ABCG1: variants seen among roughly 807,000 people sequenced by gnomAD.
ABCG1 encodes ATP binding cassette subfamily G member 1.
ABCG1 carries 29 observed loss-of-function variants against 69.2 expected under a neutral mutation model. The observed-to-expected ratio is 0.42, with a 90% confidence interval of 0.31 to 0.57. ABCG1 has a LOEUF of 0.57. Among genes scored for constraint, ABCG1 ranks in the 20% least tolerant of loss-of-function variants. The pLI, the probability that ABCG1 is intolerant of heterozygous loss-of-function variation, is 0.15. For synonymous variants in ABCG1, 370 were observed against 374.8 expected (o/e 0.99, Z 0.15); for missense variants, 718 against 898.1 (o/e 0.80, Z 2.56).
intron 5 of ABCG1, among the ~76,000 whole-genome samples, chr21:42,277,232 G>T (rs2068727334): frequency 6.6e-6 from 1 of 152,144 alleles, no homozygotes; most frequent in Non-Finnish European, 1.5e-5. Flanking sequence ...GCCAGAAGAT[G>T]CCAGCTTCAG....
rs950653649 is a variant in ABCG1 at position 42,288,651 on chromosome 21, T to A, written c.1224+339T>A. Among the ~76,000 whole-genome samples, 1 of 151,394 alleles carries A rather than the reference T, an allele frequency of 6.6e-6. No individual in the cohort carries two copies. Among genetic ancestry groups the A allele is most frequent in the Non-Finnish European group, 1.5e-5 (1 of 67,918 alleles). ...GAACCCAGGGGGGCGGAGATTGCAG[T>A]GAGCCGAGATTGCACCACTGCACTC... On this transcript the variant is annotated intron_variant, in intron 10 of 14. Transcript: ENST00000398449. This position sits in a 1 kb window ranked among gnomAD's most constrained non-coding sequence, Gnocchi z 4.8.
In ABCG1 at chr21:42,284,551, G is replaced by T. The variant is rs1297722621; in HGVS notation, c.735-9G>T. On this transcript the variant is annotated splice_polypyrimidine_tract_variant and intron_variant, in intron 6 of 14. Coordinates refer to ENST00000398449, the MANE Select transcript of ABCG1 (RefSeq NM_016818.3). ...CCGCAGGCGTCTCACGGTGCCTCTT[G>T]ACTTGCAGCGGCCTGGACAGCGCCT... 2.5e-6 allele frequency: 4 copies of T among 1,612,308 alleles called. No individual in the cohort carries two copies.
chr21:42,276,743 T>C lies in ABCG1; in HGVS notation c.538-152T>C. 1.4e-6 allele frequency: 1 copy of C among 731,160 alleles called. No individual in the cohort carries two copies. The highest frequency in any genetic ancestry group is 2.1e-5 in the Admixed American group (1 of 46,862). 45.3% of individuals were successfully genotyped at this position (731,160 alleles called of 1,614,324 possible). A position where few individuals can be genotyped will look rare whatever the true frequency, so the allele number is the denominator to read the frequency against. Reference sequence around the variant, plus strand: ...GCACCGTGGCTAGCGGCATTGTGGCTAGCTGCACTGTGGGTAGCTGCACCG... The same window carrying C: ...GCACCGTGGCTAGCGGCATTGTGGCCAGCTGCACTGTGGGTAGCTGCACCG... On this transcript the variant is annotated intron_variant, in intron 4 of 14. Coordinates refer to ENST00000398449, the MANE Select transcript of ABCG1 (RefSeq NM_016818.3). The surrounding 1 kb of genome is among the most constrained non-coding windows in gnomAD (Gnocchi z 5.3).
rs375137772 is a variant in ABCG1, at chr21:42,219,315, G to C, written c.42+11G>C. ...GTCGGCACCGCCATGGTGAGTGAGCGCATCCTTCGTCCGCCGGGAACGGTT... is the reference window on the plus strand; with the variant it reads ...GTCGGCACCGCCATGGTGAGTGAGCCCATCCTTCGTCCGCCGGGAACGGTT... On this transcript the variant is annotated intron_variant, in intron 1 of 14. Transcript: ENST00000398449. This position sits in a 1 kb window ranked among gnomAD's most constrained non-coding sequence, Gnocchi z 5.3. 30 of 1,596,590 alleles carry C rather than the reference G, an allele frequency of 1.9e-5. No individual in the cohort carries two copies. The highest frequency in any genetic ancestry group is 2.6e-5 in the Non-Finnish European group (30 of 1,174,718).
Position 42,206,808 on chromosome 21 carries a change from G to A in ABCG1, c.48+5085G>A, listed in dbSNP as rs1193040983. ...TCATTTCATCATTATTTTAGGTTAT[G>A]TCTATGAGTGACACATTTTCTTAGT... On this transcript the variant is annotated intron_variant, in intron 2 of 15. Transcript: ENST00000398457. 2.7e-5 allele frequency: 4 copies of A among 147,838 alleles called. No individual in the cohort carries two copies. The East Asian group carries it at 7.8e-4, about 29-fold the overall frequency. The allele number at this position is 147,838 out of a possible 1,614,324, so 9.2% of individuals were successfully genotyped here. A position where few individuals can be genotyped will look rare whatever the true frequency, so the allele number is the denominator to read the frequency against.
chr21:42,235,816 G>T (rs1415436873), intron 2 of ABCG1, among the ~76,000 whole-genome samples: 1 of 152,130 alleles, frequency 6.6e-6, no homozygotes, highest in African/African-American at 2.4e-5. Flanking sequence ...CTACGATAAG[G>T]CATGTCAGAC....
rs1237062045 is a variant in ABCG1, at chr21:42,219,988, C to A, written c.42+684C>A. 5 of 1,553,012 alleles carry A rather than the reference C, an allele frequency of 3.2e-6. No individual in the cohort carries two copies. The highest frequency in any genetic ancestry group is 1.7e-4 in the Middle Eastern group (1 of 6,012). ...GGGACAGGGATGCGCATTTCACTTC[C>A]CCGAGCTCCGGAGAGGGATGGCGGG... On this transcript the variant is annotated intron_variant, in intron 1 of 14. Coordinates refer to ENST00000398449, the MANE Select transcript of ABCG1 (RefSeq NM_016818.3). The surrounding 1 kb of genome is among the most constrained non-coding windows in gnomAD (Gnocchi z 5.3).
At chr21:42,262,383 T>C (rs1367935067) in intron 2 of ABCG1, among the ~76,000 whole-genome samples, 1 of 151,776 alleles carries the variant, frequency 6.6e-6, no homozygotes, top group African/African-American at 2.4e-5. Context: ...TGAATGGGCA[T>C]AGGAATTCTT....
chr21:42,222,463 G>A lies in ABCG1; in HGVS notation c.42+3159G>A, dbSNP rs570365399. 2.6e-4 allele frequency among the ~76,000 whole-genome samples: 40 copies of A among 152,322 alleles called. 1 individual carries two copies. Among genetic ancestry groups the A allele is most frequent in the Admixed American group, 2.5e-3 (38 of 15,306 alleles). On this transcript the variant is annotated intron_variant, in intron 1 of 14. Coordinates refer to ENST00000398449, the MANE Select transcript of ABCG1 (RefSeq NM_016818.3). The stretch of plus-strand genomic sequence containing the variant: ...GTGTGGATTTTCCTATAATGGACAA[G>A]GGCTGAAAGATGCCGAAACACCCAC...
chr21:42,219,222 C>CCCACCG lies in ABCG1; in HGVS notation c.-39_-38insACCGCC. 1 of 1,474,026 alleles carries CCCACCG rather than the reference C, an allele frequency of 6.8e-7. No individual in the cohort carries two copies. The highest frequency in any genetic ancestry group is 9.0e-7 in the Non-Finnish European group (1 of 1,111,082). The allele number at this position is 1,474,026 out of a possible 1,614,324, so 91.3% of individuals were successfully genotyped here. On this transcript the variant is annotated 5_prime_UTR_variant, in exon 1 of 15. Transcript: ENST00000398449. The surrounding 1 kb of genome is among the most constrained non-coding windows in gnomAD (Gnocchi z 5.3). ...TCGGCCCCGCAGCTCAAGCCTCGTC[C>CCCACCG]CCGCCGCCGCCGCCGCCGCCGCCGC...
chr21:42,208,349 T>A (rs1018345000), intron 2 of ABCG1, among the ~76,000 whole-genome samples: 2 of 152,006 alleles, frequency 1.3e-5, no homozygotes, highest in African/African-American at 4.8e-5. Context: ...GCTCTTTGGG[T>A]CCCAAGAACC....
intron 2 of ABCG1, among the ~76,000 whole-genome samples, chr21:42,248,848 G>A (rs1378465863): frequency 6.7e-6 from 1 of 149,276 alleles, no homozygotes; most frequent in South Asian, 2.1e-4. Context: ...AGGTTGCGGT[G>A]AGCCATGATT....
At chr21:42,234,763 C>G (rs966102797) in intron 2 of ABCG1, among the ~76,000 whole-genome samples, 12 of 152,138 alleles carry the variant, frequency 7.9e-5, no homozygotes, top group African/African-American at 2.9e-4. Context: ...CGCTCTTGCC[C>G]GAGCTCAACG....
At chr21:42,280,636 T>C (rs2068791105) in intron 5 of ABCG1, among the ~76,000 whole-genome samples, 1 of 152,132 alleles carries the variant, frequency 6.6e-6, no homozygotes, top group East Asian at 1.9e-4. Context: ...CTGGAGAAAG[T>C]GGGGTGGGCC....
rs1340612380 is a variant in ABCG1 at position 42,219,970 on chromosome 21, G to A, written c.42+666G>A. ...GGAGAGAGAGACGCGGTGGGGACAGGGATGCGCATTTCACTTCCCCGAGCT... is the reference window on the plus strand; with the variant it reads ...GGAGAGAGAGACGCGGTGGGGACAGAGATGCGCATTTCACTTCCCCGAGCT... On this transcript the variant is annotated intron_variant, in intron 1 of 14. Coordinates refer to ENST00000398449, the MANE Select transcript of ABCG1 (RefSeq NM_016818.3). The surrounding 1 kb of genome is among the most constrained non-coding windows in gnomAD (Gnocchi z 5.3). 4 of 1,552,340 alleles carry A rather than the reference G, an allele frequency of 2.6e-6. No individual in the cohort carries two copies. Among genetic ancestry groups the A allele is most frequent in the Non-Finnish European group, 3.5e-6 (4 of 1,147,308 alleles).
intron 5 of ABCG1, among the ~76,000 whole-genome samples, chr21:42,278,830 G>A (rs545847557): frequency 6.6e-6 from 1 of 151,898 alleles, no homozygotes; most frequent in South Asian, 2.1e-4. Context: ...AACAGAACGG[G>A]GCCCTGGGAT....
At chr21:42,218,242 A>T (rs987911894), upstream of ABCG1, among the ~76,000 whole-genome samples, 1 of 152,210 alleles carries the variant, frequency 6.6e-6, no homozygotes, top group African/African-American at 2.4e-5. Flanking sequence ...TTTCGTCCCA[A>T]CATGCAAACA....
chr21:42,204,772 G>A (rs115136149), intron 2 of ABCG1, among the ~76,000 whole-genome samples: 1,801 of 152,172 alleles, frequency 0.012, 47 homozygotes, highest in African/African-American at 0.04. Context: ...CTAAGGCCTC[G>A]AACTCCTGGG....
At chr21:42,286,368 C>T (rs2068939800) in intron 8 of ABCG1, among the ~76,000 whole-genome samples, 1 of 152,142 alleles carries the variant, frequency 6.6e-6, no homozygotes, top group Non-Finnish European at 1.5e-5. Flanking sequence ...GGTGGACTTC[C>T]CTCCTCCTTC....
Sources: gnomAD v4.1 joint callset for allele counts (sites outside exome capture counted in the v4.1 genomes callset) on GRCh38, gnomAD v4.1.1 for gene constraint, Gnocchi (gnomAD v3.1) non-coding constraint, MANE v1.5 for transcripts, NCBI Gene and HGNC (gene_info 2026-07-23, HGNC 2026-07-21) for gene names.